ANK3: variants seen among roughly 807,000 people sequenced by gnomAD.
ANK3 encodes the protein ankyrin 3, also known as ankyrin-3.
A neutral mutation model predicts 370.9 loss-of-function variants in ANK3; 57 were observed. The ratio of observed to expected loss-of-function variants is 0.15; its 90% CI spans 0.12 to 0.19. The LOEUF (loss-of-function observed/expected upper bound fraction) is 0.19, where lower values mean the gene tolerates loss of function less well. Ranked by LOEUF, ANK3 falls within the 10% of genes least tolerant of loss-of-function variation. The pLI, the probability that ANK3 is intolerant of heterozygous loss-of-function variation, is 1.00. For synonymous variants in ANK3, 1,929 were observed against 1,946.3 expected (o/e 0.99, Z 0.23); for missense variants, 4,439 against 5,302.1 (o/e 0.84, Z 5.06).
intron 2 of ANK3, among the ~76,000 whole-genome samples, chr10:60,603,613 G>A (rs1163059828): frequency 6.6e-6 from 1 of 152,082 alleles, no homozygotes; most frequent in Non-Finnish European, 1.5e-5. Context: ...ATTAAAATTA[G>A]AGATTACCAT....
At chr10:60,714,054 G>A (rs2079748386) in intron 1 of ANK3, among the ~76,000 whole-genome samples, 1 of 151,838 alleles carries the variant, frequency 6.6e-6, no homozygotes, top group Non-Finnish European at 1.5e-5. Flanking sequence ...AATAAAAGAG[G>A]GGCCACCATT....
chr10:60,401,813 A>C (rs2063357113), intron 2 of ANK3, among the ~76,000 whole-genome samples: 1 of 152,216 alleles, frequency 6.6e-6, no homozygotes, highest in African/African-American at 2.4e-5. Context: ...ATAAATGGCC[A>C]CTTATCACCA....
upstream of ANK3, among the ~76,000 whole-genome samples, chr10:60,391,799 C>A (rs142985047): frequency 2.5e-3 from 383 of 152,334 alleles, 1 homozygote; most frequent in African/African-American, 8.6e-3. Flanking sequence ...TTTCAACATA[C>A]TTCTCTCTAG....
intron 1 of ANK3, among the ~76,000 whole-genome samples, chr10:60,654,480 T>C (rs2078835575): frequency 6.6e-6 from 1 of 152,190 alleles, no homozygotes; most frequent in Admixed American, 6.5e-5. Flanking sequence ...TCCTTATCTG[T>C]TGTGAGTGTT....
chr10:60,244,104 CA>C (rs992860095), intron 7 of ANK3, among the ~76,000 whole-genome samples: 1 of 152,160 alleles, frequency 6.6e-6, no homozygotes, highest in Non-Finnish European at 1.5e-5. Flanking sequence ...TCTTCTTTCT[CA>C]GTGTTTCTGA....
rs562889591 is a variant in ANK3 at position 60,075,238 on chromosome 10, G to A, written c.5643C>T (p.Phe1881=). Residue 1881 remains phenylalanine, a synonymous_variant, in exon 37 of 44, where the codon TTC becomes TTT. Coordinates refer to ENST00000280772, the MANE Select transcript of ANK3 (RefSeq NM_020987.5). Reference sequence around the variant, plus strand: ...ACAACTTAAGGGCAGAGGGTGCAAGGAACAAAGATGACTTAACTGGAGATG... The same window carrying A: ...ACAACTTAAGGGCAGAGGGTGCAAGAAACAAAGATGACTTAACTGGAGATG... ...RTSSPVKSSL[F]LAPSALKLST... is the part of the protein sequence containing the mutation. The A allele has an allele frequency of 8.1e-6, 13 of 1,614,014 alleles. No individual in the cohort carries two copies. Among genetic ancestry groups the A allele is most frequent in the Non-Finnish European group, 6.8e-6 (8 of 1,180,024 alleles).
chr10:60,216,453 T>C (rs2096938735), intron 8 of ANK3, among the ~76,000 whole-genome samples: 1 of 152,168 alleles, frequency 6.6e-6, no homozygotes, highest in African/African-American at 2.4e-5. Flanking sequence ...ATCCCTAGTT[T>C]GTTGAGAGTT....
chr10:60,110,170 T>C (rs1040536155), intron 26 of ANK3, among the ~76,000 whole-genome samples: 2 of 152,162 alleles, frequency 1.3e-5, no homozygotes, highest in Non-Finnish European at 2.9e-5. Context: ...AAAACAATGC[T>C]AACATCCTGC....
At chr10:60,115,194 TACA>T (rs2093001176) in intron 25 of ANK3, among the ~76,000 whole-genome samples, 1 of 152,160 alleles carries the variant, frequency 6.6e-6, no homozygotes, top group East Asian at 1.9e-4. Flanking sequence ...TTGAAGATCA[TACA>T]ACGATTTTAA....
chr10:60,317,306 G>A (rs933548240), intron 1 of ANK3, among the ~76,000 whole-genome samples: 6 of 151,946 alleles, frequency 3.9e-5, no homozygotes, highest in African/African-American at 1.5e-4. Flanking sequence ...TAAGTTTTTA[G>A]TAGAGACAGG....
chr10:60,706,197 C>T (rs2079614833), intron 1 of ANK3, among the ~76,000 whole-genome samples: 1 of 152,214 alleles, frequency 6.6e-6, no homozygotes, highest in Non-Finnish European at 1.5e-5. Context: ...CTTGCACAAG[C>T]ACCACCATTG....
intron 1 of ANK3, among the ~76,000 whole-genome samples, chr10:60,627,034 A>G (rs1255795804): frequency 6.6e-6 from 1 of 152,112 alleles, no homozygotes; most frequent in Non-Finnish European, 1.5e-5. Flanking sequence ...GATTTGCCAT[A>G]TTTAGGGAGA....
rs10994152 is a variant in ANK3, at chr10:60,029,754, C to T, written c.*92G>A. Reference sequence around the variant, plus strand: ...GGAAGCAGCGAACACACACACACTTCTCGGTGAATTTTTACTTCCTGCTGA... The same window carrying T: ...GGAAGCAGCGAACACACACACACTTTTCGGTGAATTTTTACTTCCTGCTGA... On this transcript the variant is annotated 3_prime_UTR_variant, in exon 44 of 44. Coordinates refer to ENST00000280772, the MANE Select transcript of ANK3 (RefSeq NM_020987.5). The T allele has an allele frequency of 6.6e-6, 1 of 152,208 alleles. No homozygotes were observed. Among genetic ancestry groups the T allele is most frequent in the East Asian group, 1.9e-4 (1 of 5,172 alleles). The allele number at this position is 152,208 out of a possible 1,614,324, so 9.4% of individuals were successfully genotyped here.
intron 2 of ANK3, among the ~76,000 whole-genome samples, chr10:60,444,732 A>C (rs1390928332): frequency 6.6e-6 from 1 of 152,096 alleles, no homozygotes; most frequent in Non-Finnish European, 1.5e-5. Context: ...CTAAGAAAAC[A>C]TTCCTTTTTT....
At chr10:60,646,203 G>A (rs1456036262) in intron 1 of ANK3, among the ~76,000 whole-genome samples, 3 of 152,188 alleles carry the variant, frequency 2.0e-5, no homozygotes, top group Admixed American at 6.5e-5. Flanking sequence ...CAATGAGTGA[G>A]GGAGAATGGC....
chr10:60,090,909 C>T (rs1340581790), intron 28 of ANK3, among the ~76,000 whole-genome samples: 1 of 151,774 alleles, frequency 6.6e-6, no homozygotes, highest in Non-Finnish European at 1.5e-5. Context: ...ATACCATTTA[C>T]TGACATCTTT....
At chr10:60,559,525 T>A (rs2077287318) in intron 2 of ANK3, among the ~76,000 whole-genome samples, 1 of 152,152 alleles carries the variant, frequency 6.6e-6, no homozygotes, top group Non-Finnish European at 1.5e-5. Context: ...AATCCTTACA[T>A]TAAGGCTCTA....
At chr10:60,493,841 C>T (rs1015574755) in intron 2 of ANK3, among the ~76,000 whole-genome samples, 1 of 152,100 alleles carries the variant, frequency 6.6e-6, no homozygotes, top group Admixed American at 6.5e-5. Flanking sequence ...ATGAGAGATT[C>T]TCAAACACAA....
intron 30 of ANK3, 64 bp downstream of exon 30, chr10:60,086,613 C>T: frequency 1.4e-6 from 2 of 1,403,464 alleles, no homozygotes; most frequent in Non-Finnish European, 2.0e-6. Context: ...TCTTTGTACA[C>T]AAATATATCT....
Sources: allele counts gnomAD v4.1 joint callset (sites outside exome capture counted in the v4.1 genomes callset), GRCh38; gene constraint gnomAD v4.1.1; transcripts MANE v1.5; gene names NCBI Gene and HGNC (gene_info 2026-07-23, HGNC 2026-07-21).